The following RIC1 variants were observed in gnomAD, a reference collection of about 807,000 sequenced individuals.
RIC1 encodes the protein RIC1 partner of RAB6A GEF complex, also known as guanine nucleotide exchange factor subunit RIC1.
In RIC1, 88 loss-of-function variants were observed where a neutral mutation model predicts 169.0. That is an observed-to-expected ratio of 0.52 (90% CI 0.44 to 0.62). The LOEUF (loss-of-function observed/expected upper bound fraction) is 0.62. Ranked by LOEUF, RIC1 falls within the 20% of genes least tolerant of loss-of-function variation. The pLI is 0.00. For missense variants in RIC1, 1,877 were observed against 1,725.5 expected, an observed-to-expected ratio of 1.09 and a Z score of -1.56; for synonymous variants, 790 against 601.5, an observed-to-expected ratio of 1.31 and a Z score of -4.59.
intron 8 of RIC1, 83 bp from the exon 9 acceptor site, chr9:5,742,786 C>T: frequency 5.1e-6 from 6 of 1,187,264 alleles, no homozygotes; most frequent in Non-Finnish European, 5.8e-6. Context: ...TTTGAAAATA[C>T]AGATTGTATT....
In RIC1 at chr9:5,774,152, G is replaced by C; in HGVS notation, c.4178G>C (p.Ser1393Thr). Residue 1393 changes from serine (S) to threonine (T), a missense_variant, in exon 26 of 26, where the codon AGC (serine) becomes ACC (threonine). Coordinates refer to ENST00000414202, the MANE Select transcript of RIC1 (RefSeq NM_020829.4). The part of the protein sequence containing the change: ...HGSIPQGEVG[S>T]SNMVSRKEED... ...AGCATCCCCCAGGGTGAAGTTGGAA[G>C]CAGCAATATGGTCAGCCGGAAAGAG... The C allele has an allele frequency of 1.2e-6, 2 of 1,614,088 alleles. No homozygotes were observed. The highest frequency in any genetic ancestry group is 2.2e-5 in the South Asian group (2 of 91,080).
At chr9:5,712,841 G>A (rs895618730) in intron 3 of RIC1, 8 of 152,078 alleles carry the variant, frequency 5.3e-5, no homozygotes, top group African/African-American at 1.4e-4. Flanking sequence ...GAACCTGTAT[G>A]GTTAAACATT....
In RIC1 at chr9:5,629,297, C is replaced by G. The variant is rs941719205; in HGVS notation, c.-13C>G. 2.6e-5 allele frequency: 39 copies of G among 1,494,056 alleles called. No homozygotes were observed. The highest frequency in any genetic ancestry group is 3.4e-5 in the Non-Finnish European group (38 of 1,126,716). 92.5% of individuals were successfully genotyped at this position (1,494,056 alleles called of 1,614,324 possible). ...CGGACGCAACTGGGGGCGCCGGGGG[C>G]TCCGCACGGACCATGTATTTTCTGA... On this transcript the variant is annotated 5_prime_UTR_variant, in exon 1 of 26. Coordinates refer to ENST00000414202, the MANE Select transcript of RIC1 (RefSeq NM_020829.4).
intron 12 of RIC1, among the ~76,000 whole-genome samples, chr9:5,752,108 T>C (rs1344124544): frequency 6.6e-6 from 1 of 152,208 alleles, no homozygotes; most frequent in Non-Finnish European, 1.5e-5. Flanking sequence ...GAAAATTTAC[T>C]TTATCTACAT....
rs141432492 is a variant in RIC1, at chr9:5,767,822, G to A, written c.3138-1148G>A. On this transcript the variant is annotated intron_variant, in intron 21 of 25. Coordinates refer to ENST00000414202, the MANE Select transcript of RIC1 (RefSeq NM_020829.4). ...GGCTAGTCTCAAACTCCCGACCTCAGGTGATCCGCCTGCCTCTGCCTCCCA... is the reference window on the plus strand; with the variant it reads ...GGCTAGTCTCAAACTCCCGACCTCAAGTGATCCGCCTGCCTCTGCCTCCCA... Among the ~76,000 whole-genome samples the A allele has an allele frequency of 3.6e-3, 551 of 152,142 alleles. 1 individual carries two copies. Among genetic ancestry groups the A allele is most frequent in the African/African-American group, 0.012 (511 of 41,496 alleles).
chr9:5,773,040 A>G lies in RIC1; in HGVS notation c.3943A>G (p.Thr1315Ala), dbSNP rs1827331284. Residue 1315 changes from threonine to alanine, a missense_variant, in exon 25 of 26, where the codon ACA becomes GCA. Coordinates refer to ENST00000414202, the MANE Select transcript of RIC1 (RefSeq NM_020829.4). ...VDGEMLQNIK[T>A]GLHAVDRWAS... The stretch of plus-strand genomic sequence containing the variant: ...TGGAGAGATGTTACAGAACATAAAG[A>G]CAGGGCTCCATGCAGTGGACCGATG... The G allele has an allele frequency of 1.9e-6, 3 of 1,613,586 alleles. No homozygotes were observed. In the East Asian group the frequency reaches 6.7e-5, roughly 36 times the overall value.
intron 3 of RIC1, chr9:5,712,702 A>G (rs1344003584): frequency 6.6e-6 from 1 of 152,242 alleles, no homozygotes; most frequent in Non-Finnish European, 1.5e-5. Context: ...ATATATTAAT[A>G]CATCGAAGAC....
intron 3 of RIC1, among the ~76,000 whole-genome samples, chr9:5,692,837 A>C (rs1821663578): frequency 6.6e-6 from 1 of 152,070 alleles, no homozygotes; most frequent in South Asian, 2.1e-4. Flanking sequence ...CTGTAGTTTG[A>C]GACACTGTTC....
At chr9:5,716,495 C>T (rs959070956) in intron 4 of RIC1, among the ~76,000 whole-genome samples, 4 of 152,138 alleles carry the variant, frequency 2.6e-5, no homozygotes, top group Non-Finnish European at 4.4e-5. Flanking sequence ...CGCCTGTACT[C>T]CCAGCTACTC....
Position 5,634,044 on chromosome 9 carries a change from G to A in RIC1, c.144+4591G>A, listed in dbSNP as rs559471860. Among the ~76,000 whole-genome samples, 3 of 152,156 alleles carry A rather than the reference G, an allele frequency of 2.0e-5. No individual in the cohort carries two copies. The South Asian group carries it at 6.2e-4, about 32-fold the overall frequency. ...GTCCTTAAGTTTTGTCCATGTTGTT[G>A]CAGATGGCAGGATTTCCTTGTTTTT... is the stretch of plus-strand genomic sequence containing the variant. On this transcript the variant is annotated intron_variant, in intron 1 of 25. Transcript: ENST00000414202.
intron 2 of RIC1, among the ~76,000 whole-genome samples, chr9:5,678,940 A>G (rs1196584205): frequency 6.6e-6 from 1 of 151,448 alleles, no homozygotes; most frequent in Non-Finnish European, 1.5e-5. Flanking sequence ...CCTGAATGGT[A>G]TTGCCTAGGT....
intron 1 of RIC1, among the ~76,000 whole-genome samples, chr9:5,638,355 C>A (rs80037320): frequency 0.018 from 2,727 of 152,190 alleles, 67 homozygotes; most frequent in Admixed American, 0.049. Flanking sequence ...TAATCCTGGC[C>A]TCATAGAATG....
At chr9:5,723,205 C>G (rs1755349037) in intron 6 of RIC1, among the ~76,000 whole-genome samples, 1 of 152,216 alleles carries the variant, frequency 6.6e-6, no homozygotes, top group Non-Finnish European at 1.5e-5. Context: ...TCTCCACATC[C>G]TCTCCAGGAC....
intron 6 of RIC1, among the ~76,000 whole-genome samples, chr9:5,725,635 T>C (rs956023032): frequency 6.6e-6 from 1 of 152,214 alleles, no homozygotes; most frequent in African/African-American, 2.4e-5. Flanking sequence ...TCTCTAGTTC[T>C]TTTAATTGTG....
chr9:5,674,317 A>G (rs899931913), intron 2 of RIC1, among the ~76,000 whole-genome samples: 5 of 152,218 alleles, frequency 3.3e-5, no homozygotes, highest in Admixed American at 2.0e-4. Context: ...TAAAATTCAT[A>G]TAAGCTAAAA....
chr9:5,770,298 C>G lies in RIC1; in HGVS notation c.3616+20C>G, dbSNP rs150944710. ...ATAAAGGTAAATGTAATTTTAAATC[C>G]TAGCTCTTCAGTTCCTTTGAAGAAA... On this transcript the variant is annotated intron_variant, in intron 23 of 25. Transcript: ENST00000414202. 5.9e-5 allele frequency: 94 copies of G among 1,598,946 alleles called. 1 individual carries two copies. In the East Asian group the frequency reaches 2.0e-3, roughly 35 times the overall value.
At chr9:5,643,174 G>A (rs934584533) in intron 1 of RIC1, among the ~76,000 whole-genome samples, 1 of 152,136 alleles carries the variant, frequency 6.6e-6, no homozygotes, top group Non-Finnish European at 1.5e-5. Context: ...GGCCATGGTG[G>A]TGCATGCCTG....
At chr9:5,769,768 T>G (rs1368630074) in intron 22 of RIC1, 1 of 266,064 alleles carries the variant, frequency 3.8e-6, no homozygotes, top group African/African-American at 2.2e-5. Context: ...ACCAAAACTT[T>G]TAACTTTGGC....
At chr9:5,651,820 G>A (rs535484240) in intron 1 of RIC1, among the ~76,000 whole-genome samples, 26 of 151,904 alleles carry the variant, frequency 1.7e-4, no homozygotes, top group African/African-American at 5.8e-4. Flanking sequence ...TGCCCACCTC[G>A]GCCTCCCAAA....
Sources: gnomAD v4.1 joint callset for allele counts (sites outside exome capture counted in the v4.1 genomes callset) on GRCh38, gnomAD v4.1.1 for gene constraint, MANE v1.5 for transcripts, NCBI Gene and HGNC (gene_info 2026-07-23, HGNC 2026-07-21) for gene names.